Variants in NCALD observed in about 807,000 individuals in gnomAD.
NCALD encodes the protein neurocalcin delta.
A neutral mutation model predicts 18.6 loss-of-function variants in NCALD; 10 were observed. The ratio of observed to expected loss-of-function variants is 0.54; its 90% CI spans 0.33 to 0.91. The LOEUF (loss-of-function observed/expected upper bound fraction) is 0.91, where lower values mean the gene tolerates loss of function less well. Ranked by LOEUF, NCALD falls within the 40% of genes least tolerant of loss-of-function variation. The probability of loss-of-function intolerance (pLI) is 0.03; values close to 1 mark genes in which losing one functional copy is unlikely to be tolerated. For synonymous variants in NCALD, 88 were observed against 87.4 expected, an observed-to-expected ratio of 1.01 and a Z score of -0.04; for missense variants, 184 against 247.6, an observed-to-expected ratio of 0.74 and a Z score of 1.72.
intron 2 of NCALD, among the ~76,000 whole-genome samples, chr8:101,940,889 C>T (rs1818931654): frequency 1.3e-5 from 2 of 152,170 alleles, no homozygotes; most frequent in Admixed American, 6.5e-5. Context: ...GGCTTCCAAA[C>T]AGGACCTTGA....
intron 1 of NCALD, among the ~76,000 whole-genome samples, chr8:102,047,147 C>T (rs1043906568): frequency 7.0e-6 from 1 of 143,168 alleles, no homozygotes; most frequent in Admixed American, 6.9e-5. Flanking sequence ...GACATGATCT[C>T]GTTCTTTTTA....
At chr8:101,812,136 A>G (rs571823839) in intron 4 of NCALD, among the ~76,000 whole-genome samples, 1 of 152,276 alleles carries the variant, frequency 6.6e-6, no homozygotes, top group South Asian at 2.1e-4. Context: ...TCGGTTTTCT[A>G]AGTAGTTATC....
intron 1 of NCALD, among the ~76,000 whole-genome samples, chr8:101,772,127 C>T (rs1314155213): frequency 6.6e-6 from 1 of 152,176 alleles, no homozygotes; most frequent in Non-Finnish European, 1.5e-5. Context: ...ATGGCAAAAA[C>T]TGTAGGAGTT....
intron 1 of NCALD, among the ~76,000 whole-genome samples, chr8:101,731,139 G>A (rs1435580530): frequency 6.6e-6 from 1 of 152,136 alleles, no homozygotes; most frequent in Non-Finnish European, 1.5e-5. Flanking sequence ...AGTGAAAACA[G>A]TGAACGAGAG....
chr8:101,843,556 ATCTGT>A (rs1156910484), intron 4 of NCALD, among the ~76,000 whole-genome samples: 2 of 141,366 alleles, frequency 1.4e-5, no homozygotes, highest in African/African-American at 5.6e-5. Context: ...TGATCATCTG[ATCTGT>A]TCTATGAATC....
Position 101,862,520 on chromosome 8 carries a change from T to C in NCALD, c.-20+24621A>G, listed in dbSNP as rs149985065. On this transcript the variant is annotated intron_variant, in intron 4 of 6. Transcript: ENST00000311028. ...TTCACTTTGCTATGCTTTTTTCTAA[T>C]AGCAAACTCTTCAAATTACAAGCAA... Among the ~76,000 whole-genome samples, 503 of 152,330 alleles carry C rather than the reference T, an allele frequency of 3.3e-3. 2 individuals are homozygous for C. The highest frequency in any genetic ancestry group is 9.3e-3 in the African/African-American group (386 of 41,588).
intron 3 of NCALD, chr8:101,691,483 C>T: frequency 1.0e-6 from 1 of 985,334 alleles, no homozygotes; most frequent in Non-Finnish European, 1.2e-6. Context: ...GATCTTCTCC[C>T]ATCCTTCAGC....
chr8:101,869,417 C>T (rs1374039470), intron 4 of NCALD, among the ~76,000 whole-genome samples: 1 of 152,152 alleles, frequency 6.6e-6, no homozygotes, highest in Non-Finnish European at 1.5e-5. Flanking sequence ...AAGACATTCT[C>T]CCCATAGGGC....
chr8:102,043,784 G>A (rs1400033335), intron 1 of NCALD, among the ~76,000 whole-genome samples: 1 of 151,500 alleles, frequency 6.6e-6, no homozygotes, highest in Non-Finnish European at 1.5e-5. Flanking sequence ...AGCAGAAGCA[G>A]CAGCAGCAGC....
chr8:101,872,185 C>T (rs1311531252), intron 4 of NCALD: 11 of 1,598,630 alleles, frequency 6.9e-6, no homozygotes, highest in African/African-American at 6.7e-5. Flanking sequence ...GGGAATTCCT[C>T]GTTTGCAAAG....
rs571366139 is a variant in NCALD, at chr8:101,860,947, A to C, written c.-20+26194T>G. ...ATTTTGTAAGCTGGTTGTAAAATAC[A>C]GTCAATATTTAGAATGAAATTATAT... On this transcript the variant is annotated intron_variant, in intron 4 of 6. Transcript: ENST00000311028. Among the ~76,000 whole-genome samples the C allele has an allele frequency of 5.3e-5, 8 of 152,306 alleles. No individual in the cohort carries two copies. In the South Asian group the frequency reaches 1.4e-3, roughly 28 times the overall value.
At chr8:101,703,907 C>G (rs1265418466) in intron 2 of NCALD, among the ~76,000 whole-genome samples, 3 of 152,104 alleles carry the variant, frequency 2.0e-5, no homozygotes, top group Non-Finnish European at 4.4e-5. Context: ...AAGAAACTAC[C>G]CAGGACTGGG....
chr8:101,891,824 C>G (rs1430024474), intron 3 of NCALD, among the ~76,000 whole-genome samples: 1 of 152,180 alleles, frequency 6.6e-6, no homozygotes, highest in African/African-American at 2.4e-5. Flanking sequence ...AAACGGAGCA[C>G]CACGAGATTA....
At chr8:101,891,678 G>A (rs903608868) in intron 3 of NCALD, among the ~76,000 whole-genome samples, 1 of 152,254 alleles carries the variant, frequency 6.6e-6, no homozygotes. Flanking sequence ...AGCCGAAGCA[G>A]GGCGAGGCAT....
chr8:101,986,213 T>C (rs1457372414), intron 2 of NCALD, among the ~76,000 whole-genome samples: 1 of 152,136 alleles, frequency 6.6e-6, no homozygotes, highest in Non-Finnish European at 1.5e-5. Context: ...GTATTTTTAG[T>C]AGAGATGGGG....
intron 4 of NCALD, chr8:101,872,100 A>G: frequency 6.3e-7 from 1 of 1,590,260 alleles, no homozygotes; most frequent in Non-Finnish European, 8.6e-7. Context: ...AGGTGGTTGA[A>G]TTGGCTTTGA....
intron 2 of NCALD, among the ~76,000 whole-genome samples, chr8:101,937,357 G>A (rs184277772): frequency 6.6e-5 from 10 of 152,114 alleles, no homozygotes; most frequent in Non-Finnish European, 4.4e-5. Flanking sequence ...CCACCCTCAA[G>A]TAGAACCCAG....
chr8:101,977,319 A>G (rs1820460171), intron 2 of NCALD, among the ~76,000 whole-genome samples: 1 of 152,120 alleles, frequency 6.6e-6, no homozygotes, highest in African/African-American at 2.4e-5. Flanking sequence ...TTTGTCCTAA[A>G]CTATATTTAT....
chr8:101,850,907 T>G (rs1815066488), intron 4 of NCALD, among the ~76,000 whole-genome samples: 8 of 152,178 alleles, frequency 5.3e-5, no homozygotes, highest in Admixed American at 5.2e-4. Flanking sequence ...GTTGTCCAGT[T>G]GGATCCAGCA....
Sources: gnomAD v4.1 joint callset for allele counts (sites outside exome capture counted in the v4.1 genomes callset) on GRCh38, gnomAD v4.1.1 for gene constraint, MANE v1.5 for transcripts, NCBI Gene and HGNC (gene_info 2026-07-23, HGNC 2026-07-21) for gene names.